LGR4: variants seen among roughly 807,000 people sequenced by gnomAD.
LGR4 encodes the protein leucine rich repeat containing G protein-coupled receptor 4.
A neutral mutation model predicts 84.8 loss-of-function variants in LGR4; 44 were observed. That is an observed-to-expected ratio of 0.52 (90% CI 0.41 to 0.67). The LOEUF (loss-of-function observed/expected upper bound fraction) is 0.67. Among genes scored for constraint, LGR4 ranks in the 30% least tolerant of loss-of-function variants. LGR4 has a pLI of 0.00. For synonymous variants in LGR4, 429 were observed against 434.3 expected (o/e 0.99, Z 0.15); for missense variants, 1,032 against 1,131.4 (o/e 0.91, Z 1.26).
At chr11:27,433,327 C>T (rs1864146595) in intron 1 of LGR4, among the ~76,000 whole-genome samples, 2 of 152,180 alleles carry the variant, frequency 1.3e-5, no homozygotes, top group African/African-American at 4.8e-5. Flanking sequence ...ATTCTCCTGC[C>T]TCAGACTCCC....
chr11:27,378,595 CCT>C, intron 11 of LGR4, 100 bp downstream of exon 11: 1 of 845,424 alleles, frequency 1.2e-6, no homozygotes, highest in Non-Finnish European at 1.9e-6. Context: ...AGTAATTATA[CCT>C]CAAAACCACC....
chr11:27,422,055 A>T (rs1863930975), intron 1 of LGR4, among the ~76,000 whole-genome samples: 1 of 152,188 alleles, frequency 6.6e-6, no homozygotes, highest in Non-Finnish European at 1.5e-5. Flanking sequence ...TGTTCTGGTA[A>T]CCCTACGATG....
At chr11:27,428,055 C>T (rs1034231876) in intron 1 of LGR4, among the ~76,000 whole-genome samples, 12 of 151,930 alleles carry the variant, frequency 7.9e-5, no homozygotes, top group African/African-American at 1.2e-4. Context: ...TGGCAAGAGT[C>T]GGGGGGTGGA....
intron 1 of LGR4, among the ~76,000 whole-genome samples, chr11:27,423,684 A>G (rs960613119): frequency 6.6e-6 from 1 of 152,242 alleles, no homozygotes; most frequent in African/African-American, 2.4e-5. Flanking sequence ...AGCAGAGAAG[A>G]GGCTATGCCA....
Position 27,444,048 on chromosome 11 carries a change from G to A in LGR4, c.185+28070C>T, listed in dbSNP as rs188652833. On this transcript the variant is annotated intron_variant, in intron 1 of 17. Transcript: ENST00000379214. ...AAGACCTGCACAAAGCACCCCTACAGGCTTTTTTCAATGAGGCATTACACG... is the reference window on the plus strand; with the variant it reads ...AAGACCTGCACAAAGCACCCCTACAAGCTTTTTTCAATGAGGCATTACACG... Among the ~76,000 whole-genome samples, 3 of 151,844 alleles carry A rather than the reference G, an allele frequency of 2.0e-5. No homozygotes were observed. In the East Asian group the frequency reaches 5.8e-4, roughly 29 times the overall value.
intron 4 of LGR4, among the ~76,000 whole-genome samples, chr11:27,388,181 C>A (rs573298640): frequency 6.6e-6 from 1 of 152,054 alleles, no homozygotes; most frequent in Non-Finnish European, 1.5e-5. Flanking sequence ...ATGAGAAAAA[C>A]GATTTGTGAT....
chr11:27,396,641 C>A (rs751003166), intron 2 of LGR4, among the ~76,000 whole-genome samples: 75 of 152,130 alleles, frequency 4.9e-4, no homozygotes, highest in Non-Finnish European at 6.8e-4. Context: ...CATTCCATGC[C>A]TGGGTTTGCA....
At chr11:27,381,035 T>G (rs76722202) in intron 7 of LGR4, 69 bp from the exon 8 acceptor site, 34,654 of 810,842 alleles carry the variant, frequency 0.043, 1,375 homozygotes, top group African/African-American at 0.16. Context: ...AAGTATCTAC[T>G]GCTGTTCAGC....
chr11:27,451,015 G>A (rs569377026), intron 1 of LGR4, among the ~76,000 whole-genome samples: 4 of 152,034 alleles, frequency 2.6e-5, no homozygotes, highest in Non-Finnish European at 5.9e-5. Context: ...GGTTATGTAA[G>A]GATCTATACT....
chr11:27,401,493 T>C (rs1163212729), intron 2 of LGR4, among the ~76,000 whole-genome samples: 1 of 152,064 alleles, frequency 6.6e-6, no homozygotes, highest in Non-Finnish European at 1.5e-5. Context: ...TATCCACCCA[T>C]GTGAGGAAAT....
chr11:27,403,417 T>C (rs1161854765), intron 2 of LGR4, among the ~76,000 whole-genome samples: 1 of 152,198 alleles, frequency 6.6e-6, no homozygotes, highest in Non-Finnish European at 1.5e-5. Flanking sequence ...CATTCTAGCC[T>C]GGACAATAGA....
chr11:27,403,660 A>T (rs1863546966), intron 2 of LGR4, among the ~76,000 whole-genome samples: 1 of 152,222 alleles, frequency 6.6e-6, no homozygotes, highest in Non-Finnish European at 1.5e-5. Flanking sequence ...TTGTATACAT[A>T]TACTCAGAGA....
chr11:27,375,977 CT>C (rs1251904788), intron 13 of LGR4, among the ~76,000 whole-genome samples: 2,112 of 141,598 alleles, frequency 0.015, 40 homozygotes, highest in African/African-American at 0.045. Flanking sequence ...CAAATTATAT[CT>C]TTTTTTTTTT....
At chr11:27,379,171 G>A (rs1465137652) in intron 10 of LGR4, 2 of 192,472 alleles carry the variant, frequency 1.0e-5, no homozygotes, top group East Asian at 1.7e-4. Context: ...CTCAGCATTC[G>A]AAAATGTTCT....
At chr11:27,390,335 A>G (rs866224794) in intron 4 of LGR4, among the ~76,000 whole-genome samples, 4 of 152,324 alleles carry the variant, frequency 2.6e-5, no homozygotes, top group Admixed American at 2.0e-4. Context: ...ACAATTTTAT[A>G]CCAGCACACA....
chr11:27,469,392 G>C (rs1864831576), intron 1 of LGR4, among the ~76,000 whole-genome samples: 1 of 152,188 alleles, frequency 6.6e-6, no homozygotes, highest in African/African-American at 2.4e-5. Context: ...TGTGGGAATG[G>C]TGTCTGAATT....
chr11:27,454,445 T>C (rs1246054241), intron 1 of LGR4, among the ~76,000 whole-genome samples: 1 of 152,204 alleles, frequency 6.6e-6, no homozygotes, highest in Non-Finnish European at 1.5e-5. Flanking sequence ...TATTTGTAGC[T>C]CTCAAAGAAT....
intron 1 of LGR4, among the ~76,000 whole-genome samples, chr11:27,456,760 G>T (rs931192330): frequency 3.3e-5 from 5 of 152,076 alleles, no homozygotes; most frequent in African/African-American, 1.2e-4. Flanking sequence ...TGTATAAAAA[G>T]CAAAAAGACC....
intron 1 of LGR4, among the ~76,000 whole-genome samples, chr11:27,451,982 C>T (rs186638518): frequency 6.6e-6 from 1 of 152,258 alleles, no homozygotes; most frequent in Non-Finnish European, 1.5e-5. Flanking sequence ...ACATACATAG[C>T]TGGGGGGAAT....
Sources: gnomAD v4.1 joint callset for allele counts (sites outside exome capture counted in the v4.1 genomes callset) on GRCh38, gnomAD v4.1.1 for gene constraint, MANE v1.5 for transcripts, NCBI Gene and HGNC (gene_info 2026-07-23, HGNC 2026-07-21) for gene names.